HEXB: variants seen among roughly 807,000 people sequenced by gnomAD.
The protein encoded by HEXB is beta-hexosaminidase subunit beta.
Under a neutral mutation model 71.2 loss-of-function variants are expected in HEXB, and 51 were observed. That is an observed-to-expected ratio of 0.72 (90% CI 0.57 to 0.90). The LOEUF is 0.90. Among genes scored for constraint, HEXB ranks in the 40% least tolerant of loss-of-function variants. The pLI is 0.00. For missense variants in HEXB, 617 were observed against 677.0 expected (o/e 0.91, Z 0.98); for synonymous variants, 266 against 249.3 (o/e 1.07, Z -0.63).
intron 6 of HEXB, among the ~76,000 whole-genome samples, chr5:74,708,871 T>G (rs1042168761): frequency 4.6e-5 from 7 of 152,018 alleles, no homozygotes; most frequent in African/African-American, 1.7e-4. Context: ...CTGTCAACAT[T>G]AGACAGATCA....
At chr5:74,705,685 A>G (rs1749370270) in intron 6 of HEXB, 2 of 251,300 alleles carry the variant, frequency 8.0e-6, no homozygotes, top group South Asian at 9.7e-5. Flanking sequence ...ATAAATGACT[A>G]TTTTTCTCTC....
exon 1 of HEXB, chr5:74,640,382 C>T (rs1747813861): frequency 6.6e-6 from 1 of 152,374 alleles, no homozygotes; most frequent in Non-Finnish European, 1.5e-5. Flanking sequence ...AACCGGTCGT[C>T]TCAGCCCAGG....
In HEXB at chr5:74,715,523, C is replaced by G; in HGVS notation, c.915C>G (p.Leu305=). ...TLSWGKGQKD[L]LTPCYSRQNK... is the part of the protein sequence containing the mutation. Reference sequence around the variant, plus strand: ...ATTTTCTTCTAGGTCAGAAAGACCTCCTGACTCCATGTTACAGTAGACAAA... The same window carrying G: ...ATTTTCTTCTAGGTCAGAAAGACCTGCTGACTCCATGTTACAGTAGACAAA... Residue 305 remains leucine (L), a synonymous_variant, in exon 8 of 14, where the codon CTC becomes CTG. Transcript: ENST00000261416. The G allele has an allele frequency of 6.2e-7, 1 of 1,608,732 alleles. No individual in the cohort carries two copies. Among genetic ancestry groups the G allele is most frequent in the South Asian group, 1.1e-5 (1 of 90,952 alleles).
At chr5:74,706,660 G>A (rs932647699) in intron 6 of HEXB, among the ~76,000 whole-genome samples, 35 of 152,316 alleles carry the variant, frequency 2.3e-4, no homozygotes, top group African/African-American at 5.8e-4. Context: ...CACCTGGCTC[G>A]GAGGGTCCTA....
chr5:74,716,781 T>C (rs1749682883), intron 9 of HEXB, 108 bp downstream of exon 9: 1 of 726,622 alleles, frequency 1.4e-6, no homozygotes, highest in Non-Finnish European at 2.3e-6. Context: ...TAAGTGTAGA[T>C]GTGAAAAATC....
chr5:74,676,947 C>T (rs1748641339), intron 1 of HEXB, among the ~76,000 whole-genome samples: 3 of 151,912 alleles, frequency 2.0e-5, no homozygotes, highest in South Asian at 2.1e-4. Context: ...AGTGCAGTGG[C>T]GGGATCTCGG....
At chr5:74,653,836 G>A (rs940762460) in intron 1 of HEXB, among the ~76,000 whole-genome samples, 12 of 152,048 alleles carry the variant, frequency 7.9e-5, no homozygotes, top group African/African-American at 2.2e-4. Flanking sequence ...TTTATTGAAC[G>A]CCTACTATGT....
At chr5:74,686,864 C>G (rs1321503513) in intron 1 of HEXB, among the ~76,000 whole-genome samples, 1 of 152,184 alleles carries the variant, frequency 6.6e-6, no homozygotes, top group Non-Finnish European at 1.5e-5. Flanking sequence ...TAAAAACAAA[C>G]ACGCTTATTA....
intron 1 of HEXB, among the ~76,000 whole-genome samples, chr5:74,663,014 A>G (rs1476300039): frequency 6.6e-6 from 1 of 152,164 alleles, no homozygotes; most frequent in Non-Finnish European, 1.5e-5. Context: ...CTTCAAACCT[A>G]TCTGCAAGAT....
At chr5:74,716,485 A>C in intron 8 of HEXB, 102 bp from the exon 9 acceptor site, 1 of 675,102 alleles carries the variant, frequency 1.5e-6, no homozygotes, top group Non-Finnish European at 2.6e-6. Context: ...AAACTTTAAT[A>C]GTTTTAAGTC....
chr5:74,686,106 A>G (rs1168702116), intron 1 of HEXB, among the ~76,000 whole-genome samples: 1 of 151,772 alleles, frequency 6.6e-6, no homozygotes, highest in Non-Finnish European at 1.5e-5. Context: ...AAAATGTGAC[A>G]TGTTTGCATC....
chr5:74,721,167 A>G lies in HEXB; in HGVS notation c.1663A>G (p.Asn555Asp). Reference protein sequence around the residue: ...PLYAGYCNHENM With the variant: ...PLYAGYCNHEDM ...TTATGCTGGATATTGTAACCATGAGAACATGTAAAAAATGGAGGGGAAAAA... is the reference window on the plus strand; with the variant it reads ...TTATGCTGGATATTGTAACCATGAGGACATGTAAAAAATGGAGGGGAAAAA... The change falls in exon 14 of 14, where the codon AAC (asparagine) becomes GAC (aspartate). Residue 555 changes from asparagine to aspartate, a missense_variant. Transcript: ENST00000261416. The G allele has an allele frequency of 6.2e-7, 1 of 1,612,950 alleles. No individual in the cohort carries two copies. The highest frequency in any genetic ancestry group is 8.5e-7 in the Non-Finnish European group (1 of 1,179,030).
Position 74,718,827 on chromosome 5 carries a change from A to G in HEXB, c.1273A>G (p.Lys425Glu), listed in dbSNP as rs770373499. Reference protein sequence around the residue: ...LAPGTIVEVWKDSAYPEELSR... With the variant: ...LAPGTIVEVWEDSAYPEELSR... The stretch of plus-strand genomic sequence containing the variant: ...GCCGGGCACAATAGTTGAAGTATGG[A>G]AAGACAGCGCATATCCTGAGGAACT... The change falls in exon 11 of 14, where the codon AAA (lysine) becomes GAA (glutamate). Residue 425 changes from lysine (K) to glutamate (E), a missense_variant. Physicochemically the swap from Lys to Glu is moderately conservative, Grantham distance 56. Coordinates refer to ENST00000261416, the MANE Select transcript of HEXB (RefSeq NM_000521.4). The G allele has an allele frequency of 6.2e-7, 1 of 1,614,146 alleles. No individual in the cohort carries two copies.
intron 1 of HEXB, among the ~76,000 whole-genome samples, chr5:74,659,507 A>G: frequency 6.6e-6 from 1 of 152,334 alleles, no homozygotes; most frequent in South Asian, 2.1e-4. Context: ...GTAGTGAAAT[A>G]TGAGTCAGTT....
At chr5:74,659,979 G>A (rs1457212950) in intron 1 of HEXB, among the ~76,000 whole-genome samples, 1 of 152,130 alleles carries the variant, frequency 6.6e-6, no homozygotes, top group African/African-American at 2.4e-5. Flanking sequence ...ATAACTGATG[G>A]AATGGAGAGG....
chr5:74,668,983 CAG>C (rs1748485087), intron 1 of HEXB, among the ~76,000 whole-genome samples: 1 of 152,008 alleles, frequency 6.6e-6, no homozygotes, highest in South Asian at 2.1e-4. Context: ...TTTTCTGAGA[CAG>C]AGTTTTGCTC....
intron 5 of HEXB, among the ~76,000 whole-genome samples, chr5:74,703,982 C>T (rs1005221308): frequency 6.6e-6 from 1 of 152,154 alleles, no homozygotes. Flanking sequence ...TCTGGCCTCA[C>T]AAATAAAGTT....
chr5:74,714,522 G>C lies in HEXB; in HGVS notation c.901+887G>C, dbSNP rs569459864. Among the ~76,000 whole-genome samples the C allele has an allele frequency of 4.6e-5, 7 of 152,320 alleles. No homozygotes were observed. The South Asian group carries it at 1.4e-3, about 32-fold the overall frequency. The stretch of plus-strand genomic sequence containing the variant: ...GTAAGATATGCTTGACAAGTATGTA[G>C]CTGGAGTAGAGTGTAGCAGAGTAGG... On this transcript the variant is annotated intron_variant, in intron 7 of 13. Coordinates refer to ENST00000261416, the MANE Select transcript of HEXB (RefSeq NM_000521.4).
chr5:74,671,855 T>C (rs1166186697), intron 1 of HEXB, among the ~76,000 whole-genome samples: 4 of 152,194 alleles, frequency 2.6e-5, no homozygotes, highest in Non-Finnish European at 4.4e-5. Flanking sequence ...ATACCTGAGA[T>C]GCTTCCTGGG....
Sources: gnomAD v4.1 joint callset for allele counts (sites outside exome capture counted in the v4.1 genomes callset) on GRCh38, gnomAD v4.1.1 for gene constraint, MANE v1.5 for transcripts, NCBI Gene and HGNC (gene_info 2026-07-23, HGNC 2026-07-21) for gene names.